The following WDFY2 variants were observed in gnomAD, a reference collection of about 807,000 sequenced individuals.
WDFY2 encodes WD repeat and FYVE domain containing 2.
Under a neutral mutation model 56.4 loss-of-function variants are expected in WDFY2, and 36 were observed. That is an observed-to-expected ratio of 0.64 (90% CI 0.49 to 0.84). WDFY2 has a LOEUF of 0.84. Ranked by LOEUF, WDFY2 falls within the 40% of genes least tolerant of loss-of-function variation. WDFY2 has a pLI of 0.00. For missense variants in WDFY2, 444 were observed against 512.2 expected, an observed-to-expected ratio of 0.87 and a Z score of 1.29; for synonymous variants, 176 against 183.7, an observed-to-expected ratio of 0.96 and a Z score of 0.34.
intron 1 of WDFY2, among the ~76,000 whole-genome samples, chr13:51,611,847 A>G (rs1401477374): frequency 5.3e-5 from 8 of 152,204 alleles, no homozygotes; most frequent in Admixed American, 5.2e-4. Context: ...GAAGAAATAC[A>G]CAGGAATGAT....
At chr13:51,759,164 G>A (rs1045233145) in intron 11 of WDFY2, among the ~76,000 whole-genome samples, 6 of 152,192 alleles carry the variant, frequency 3.9e-5, no homozygotes, top group African/African-American at 1.4e-4. Flanking sequence ...CTGGGTGACA[G>A]AGCAAGACCC....
At position 51,636,531 on chromosome 13, in the gene WDFY2, C is replaced by T. The variant is rs540831826; in HGVS notation, c.138-24065C>T. 9.2e-5 allele frequency among the ~76,000 whole-genome samples: 14 copies of T among 152,236 alleles called. No individual in the cohort carries two copies. In the South Asian group the frequency reaches 2.5e-3, roughly 27 times the overall value. On this transcript the variant is annotated intron_variant, in intron 1 of 11. Coordinates refer to ENST00000298125, the MANE Select transcript of WDFY2 (RefSeq NM_052950.4). ...AAAGCAAAATACCACAGCAATTACC[C>T]GGGGTCAGGTATGGAAAGTACTCAT...
chr13:51,623,713 A>G (rs1954785319), intron 1 of WDFY2, among the ~76,000 whole-genome samples: 1 of 152,196 alleles, frequency 6.6e-6, no homozygotes, highest in Non-Finnish European at 1.5e-5. Flanking sequence ...ACATCCTGTG[A>G]ACATTGGGAA....
chr13:51,741,986 A>G (rs1382208701), intron 7 of WDFY2, among the ~76,000 whole-genome samples: 1 of 152,080 alleles, frequency 6.6e-6, no homozygotes, highest in African/African-American at 2.4e-5. Flanking sequence ...TTGCTTTCCT[A>G]CAGTTCCTGG....
intron 2 of WDFY2, among the ~76,000 whole-genome samples, chr13:51,666,075 A>G (rs1281471002): frequency 3.3e-5 from 5 of 152,198 alleles, no homozygotes; most frequent in Non-Finnish European, 7.3e-5. Flanking sequence ...CGTTTAAAGT[A>G]TAGGAACTCA....
chr13:51,738,345 C>T (rs1229268342), intron 6 of WDFY2, among the ~76,000 whole-genome samples: 1 of 152,096 alleles, frequency 6.6e-6, no homozygotes, highest in Non-Finnish European at 1.5e-5. Context: ...ATCCTAATAA[C>T]CCACATCTAT....
intron 4 of WDFY2, among the ~76,000 whole-genome samples, chr13:51,708,262 G>A (rs929832024): frequency 2.0e-5 from 3 of 151,676 alleles, no homozygotes; most frequent in African/African-American, 4.8e-5. Flanking sequence ...GGAAGCTGAG[G>A]TGGAGGATCC....
intron 1 of WDFY2, among the ~76,000 whole-genome samples, chr13:51,650,091 C>T (rs1004168422): frequency 2.6e-5 from 4 of 151,850 alleles, no homozygotes; most frequent in South Asian, 2.1e-4. Flanking sequence ...TCTTTTATTT[C>T]GTTGAGCAGT....
intron 6 of WDFY2, among the ~76,000 whole-genome samples, chr13:51,728,401 G>A (rs192071681): frequency 6.6e-6 from 1 of 152,288 alleles, no homozygotes; most frequent in Non-Finnish European, 1.5e-5. Context: ...AGACTTGATA[G>A]ATGATAATGA....
chr13:51,751,617 G>A (rs185687134), intron 8 of WDFY2: 1 of 557,806 alleles, frequency 1.8e-6, no homozygotes, highest in African/African-American at 1.9e-5. Flanking sequence ...GAGTTCATAA[G>A]AATTTTGACT....
intron 2 of WDFY2, among the ~76,000 whole-genome samples, chr13:51,669,547 T>C (rs1028780584): frequency 6.6e-6 from 1 of 152,204 alleles, no homozygotes. Context: ...TTCTTTTGAC[T>C]GTCATTAGTC....
chr13:51,756,370 G>T lies in WDFY2; in HGVS notation c.972G>T (p.Lys324Asn). 1 of 1,614,078 alleles carries T rather than the reference G, an allele frequency of 6.2e-7. No homozygotes were observed. The highest frequency in any genetic ancestry group is 8.5e-7 in the Non-Finnish European group (1 of 1,179,960). The change falls in exon 10 of 12, where the codon AAG becomes AAT. Residue 324 changes from lysine (K) to asparagine (N), a missense_variant. Physicochemically the swap from Lys to Asn is moderately conservative, Grantham distance 94. Coordinates refer to ENST00000298125, the MANE Select transcript of WDFY2 (RefSeq NM_052950.4). ...CRKCGKAVCG[K>N]CSSKRSSIPL... ...AGTGTGGGAAGGCCGTCTGTGGCAA[G>T]TGCAGCTCCAAGCGCTCCTCCATCC...
At chr13:51,684,727 G>A (rs1332121327) in intron 3 of WDFY2, among the ~76,000 whole-genome samples, 1 of 151,954 alleles carries the variant, frequency 6.6e-6, no homozygotes, top group Non-Finnish European at 1.5e-5. Context: ...CACGGTATCA[G>A]TGCCCATGGC....
intron 1 of WDFY2, chr13:51,586,488 C>T (rs1306215968): frequency 6.5e-6 from 1 of 153,834 alleles, no homozygotes. Flanking sequence ...CAATCTGTAA[C>T]TGACTGTGAA....
At chr13:51,667,460 C>G (rs183040493) in intron 2 of WDFY2, among the ~76,000 whole-genome samples, 1 of 152,118 alleles carries the variant, frequency 6.6e-6, no homozygotes, top group Admixed American at 6.6e-5. Flanking sequence ...CTTATTCCAC[C>G]TCCTCTGCTG....
intron 6 of WDFY2, among the ~76,000 whole-genome samples, chr13:51,728,917 G>A (rs1169242346): frequency 1.3e-5 from 2 of 152,100 alleles, no homozygotes; most frequent in African/African-American, 4.8e-5. Flanking sequence ...AAACTTCTGT[G>A]CGTCACTGCA....
intron 1 of WDFY2, among the ~76,000 whole-genome samples, chr13:51,601,300 G>A (rs1954277308): frequency 6.6e-6 from 1 of 152,084 alleles, no homozygotes; most frequent in African/African-American, 2.4e-5. Context: ...TATATTAATA[G>A]TAATTAATAC....
chr13:51,747,609 G>T (rs540102656), intron 7 of WDFY2, among the ~76,000 whole-genome samples: 4 of 152,188 alleles, frequency 2.6e-5, no homozygotes, highest in African/African-American at 9.7e-5. Flanking sequence ...ACAGCTCACT[G>T]CAGCCTCAGC....
intron 2 of WDFY2, among the ~76,000 whole-genome samples, chr13:51,662,483 T>C (rs756145437): frequency 5.9e-5 from 9 of 152,134 alleles, no homozygotes; most frequent in African/African-American, 9.7e-5. Context: ...AGGAATCTTA[T>C]TGAGATAAGA....
Sources: gnomAD v4.1 joint callset for allele counts (sites outside exome capture counted in the v4.1 genomes callset) on GRCh38, gnomAD v4.1.1 for gene constraint, MANE v1.5 for transcripts, NCBI Gene and HGNC (gene_info 2026-07-23, HGNC 2026-07-21) for gene names.